The following MYO1D variants were observed in gnomAD, a reference collection of about 807,000 sequenced individuals.
The protein encoded by MYO1D is myosin ID, also known as unconventional myosin-Id.
A neutral mutation model predicts 122.0 loss-of-function variants in MYO1D; 83 were observed. That is an observed-to-expected ratio of 0.68 (90% CI 0.57 to 0.82). MYO1D has a LOEUF of 0.82. MYO1D is among the 40% of genes least tolerant of loss of function. The pLI is 0.00. For missense variants in MYO1D, 1,157 were observed against 1,269.5 expected, an observed-to-expected ratio of 0.91 and a Z score of 1.35; for synonymous variants, 464 against 446.9, an observed-to-expected ratio of 1.04 and a Z score of -0.48.
intron 1 of MYO1D, among the ~76,000 whole-genome samples, chr17:32,832,681 TA>T (rs2151067356): frequency 6.6e-6 from 1 of 152,280 alleles, no homozygotes; most frequent in East Asian, 1.9e-4. Context: ...AAGAAAAAAT[TA>T]GGTGTTCTGA....
intron 20 of MYO1D, among the ~76,000 whole-genome samples, chr17:32,612,869 A>G (rs1426401113): frequency 6.6e-6 from 1 of 151,814 alleles, no homozygotes; most frequent in East Asian, 1.9e-4. Flanking sequence ...CCCAGGCTCA[A>G]GCAATCTTCC....
rs1328030254 is a variant in MYO1D, at chr17:32,775,915, G to T, written c.513C>A (p.Asp171Glu). ...RFGKYMDINF[D>E]FKGDPIGGHI... ...GCCCACCAATAGGGTCACCCTTGAA[G>T]TCAAAGTTGATATCCATGTATTTTC... Residue 171 changes from aspartate (D) to glutamate (E), a missense_variant, in exon 4 of 22, where the codon GAC becomes GAA. By Grantham distance (45) the Asp-to-Glu change is conservative. Coordinates refer to ENST00000318217, the MANE Select transcript of MYO1D (RefSeq NM_015194.3). 6.2e-7 allele frequency: 1 copy of T among 1,613,772 alleles called. No homozygotes were observed. Among genetic ancestry groups the T allele is most frequent in the African/African-American group, 1.3e-5 (1 of 75,008 alleles).
intron 4 of MYO1D, among the ~76,000 whole-genome samples, chr17:32,773,933 G>C (rs1324660472): frequency 2.6e-5 from 4 of 151,996 alleles, no homozygotes; most frequent in Non-Finnish European, 1.5e-5. Flanking sequence ...TCTCCTGTCT[G>C]TTCCTTTAGT....
At chr17:32,856,931 T>TC (rs914843846) in intron 1 of MYO1D, among the ~76,000 whole-genome samples, 4 of 152,134 alleles carry the variant, frequency 2.6e-5, no homozygotes, top group Admixed American at 1.3e-4. Flanking sequence ...AGTCATCCCC[T>TC]CCCCCCAAGT....
intron 21 of MYO1D, among the ~76,000 whole-genome samples, chr17:32,550,980 G>T (rs1376960393): frequency 5.3e-5 from 8 of 151,818 alleles, no homozygotes; most frequent in Admixed American, 2.0e-4. Context: ...AAAAGAGAAA[G>T]AAATGATAAT....
At chr17:32,556,134 C>T (rs949953470) in intron 21 of MYO1D, among the ~76,000 whole-genome samples, 2 of 152,148 alleles carry the variant, frequency 1.3e-5, no homozygotes, top group African/African-American at 2.4e-5. Context: ...GGCAGGTGCA[C>T]GTAGTTATTT....
At chr17:32,801,705 G>A (rs2151043547) in intron 1 of MYO1D, among the ~76,000 whole-genome samples, 1 of 152,304 alleles carries the variant, frequency 6.6e-6, no homozygotes, top group Middle Eastern at 3.4e-3. Context: ...ACATGTATGT[G>A]TGTGTGTGCA....
chr17:32,550,677 A>G (rs115684272), intron 21 of MYO1D, among the ~76,000 whole-genome samples: 79 of 152,310 alleles, frequency 5.2e-4, no homozygotes, highest in African/African-American at 1.9e-3. Flanking sequence ...GTATTTGGGG[A>G]TAGCCTATAA....
chr17:32,721,578 T>C (rs1021961756), intron 14 of MYO1D, among the ~76,000 whole-genome samples: 2 of 152,202 alleles, frequency 1.3e-5, no homozygotes, highest in Admixed American at 6.5e-5. Context: ...TAAAAGGACA[T>C]TCTTTGTTAA....
At chr17:32,618,241 A>C (rs565370312) in intron 20 of MYO1D, among the ~76,000 whole-genome samples, 2 of 152,226 alleles carry the variant, frequency 1.3e-5, no homozygotes, top group Non-Finnish European at 2.9e-5. Flanking sequence ...TTGTGAGCCT[A>C]GTACTATTGA....
chr17:32,575,425 A>T (rs536431336), intron 21 of MYO1D, among the ~76,000 whole-genome samples: 1 of 152,348 alleles, frequency 6.6e-6, no homozygotes, highest in South Asian at 2.1e-4. Context: ...GAAATTAGTG[A>T]GGCTTTATTG....
chr17:32,806,960 T>C (rs1168557128), intron 1 of MYO1D, among the ~76,000 whole-genome samples: 1 of 152,314 alleles, frequency 6.6e-6, no homozygotes, highest in East Asian at 1.9e-4. Context: ...ATAGGATGTA[T>C]AAATAAAAAT....
intron 15 of MYO1D, among the ~76,000 whole-genome samples, chr17:32,718,459 A>G (rs1474214428): frequency 1.3e-5 from 2 of 152,206 alleles, no homozygotes; most frequent in African/African-American, 4.8e-5. Context: ...GCACTTTGGG[A>G]GGCTGAGGCG....
At chr17:32,840,938 A>G (rs2090873788) in intron 1 of MYO1D, among the ~76,000 whole-genome samples, 2 of 152,206 alleles carry the variant, frequency 1.3e-5, no homozygotes, top group African/African-American at 4.8e-5. Context: ...AGTACCCATA[A>G]AACCATTCTG....
At chr17:32,666,580 C>T (rs150961711) in intron 16 of MYO1D, among the ~76,000 whole-genome samples, 29 of 152,132 alleles carry the variant, frequency 1.9e-4, no homozygotes, top group African/African-American at 7.0e-4. Flanking sequence ...AGTCATTAAA[C>T]TTTGCAAAAA....
At chr17:32,823,980 T>A (rs1328907563) in intron 1 of MYO1D, among the ~76,000 whole-genome samples, 1 of 145,482 alleles carries the variant, frequency 6.9e-6, no homozygotes, top group East Asian at 2.0e-4. Flanking sequence ...GGCATGAGAA[T>A]GGTGTGAACC....
At chr17:32,522,833 T>C (rs890790391) in intron 21 of MYO1D, among the ~76,000 whole-genome samples, 16 of 151,534 alleles carry the variant, frequency 1.1e-4, no homozygotes, top group African/African-American at 3.9e-4. Context: ...TTTTTTTTTT[T>C]TGAGATGGAG....
At chr17:32,707,675 T>C (rs2089325751) in intron 16 of MYO1D, among the ~76,000 whole-genome samples, 3 of 152,242 alleles carry the variant, frequency 2.0e-5, no homozygotes, top group Admixed American at 6.5e-5. Flanking sequence ...GCTCCCTACG[T>C]TGATACAAAA....
intron 21 of MYO1D, among the ~76,000 whole-genome samples, chr17:32,560,528 C>CCTATACATATATATATAT (rs1233632484): frequency 1.5e-5 from 1 of 65,436 alleles, no homozygotes; most frequent in African/African-American, 5.0e-5. Context: ...CCAGAGACAA[C>CCTATACATATATATATAT]ATATATATAT....
Sources: allele counts gnomAD v4.1 joint callset (sites outside exome capture counted in the v4.1 genomes callset), GRCh38; gene constraint gnomAD v4.1.1; transcripts MANE v1.5; gene names NCBI Gene and HGNC (gene_info 2026-07-23, HGNC 2026-07-21).